The following CD2 variants were observed in gnomAD, a reference collection of about 807,000 sequenced individuals.
CD2 encodes T-cell surface antigen CD2.
A neutral mutation model predicts 23.2 loss-of-function variants in CD2; 18 were observed. That is an observed-to-expected ratio of 0.77 (90% CI 0.54 to 1.15). The LOEUF is 1.15. Ranked by LOEUF, CD2 falls within the 50% of genes most tolerant of loss-of-function variation. The probability of loss-of-function intolerance (pLI) is 0.00; values close to 1 mark genes in which losing one functional copy is unlikely to be tolerated. For missense variants in CD2, 424 were observed against 423.1 expected, an observed-to-expected ratio of 1.00 and a Z score of -0.02; for synonymous variants, 162 against 151.9, an observed-to-expected ratio of 1.07 and a Z score of -0.49.
chr1:116,762,495 G>A (rs1392459025), intron 3 of CD2, among the ~76,000 whole-genome samples: 1 of 152,164 alleles, frequency 6.6e-6, no homozygotes, highest in Non-Finnish European at 1.5e-5. Flanking sequence ...AGATTAGGGT[G>A]GAGGAGCTGC....
chr1:116,762,316 A>G (rs1424563495), intron 3 of CD2, among the ~76,000 whole-genome samples: 3 of 151,816 alleles, frequency 2.0e-5, no homozygotes, highest in Non-Finnish European at 2.9e-5. Flanking sequence ...ACTGGAGCCC[A>G]CAAGTATAAA....
chr1:116,757,517 A>G (rs1420693476), intron 2 of CD2, among the ~76,000 whole-genome samples: 1 of 152,182 alleles, frequency 6.6e-6, no homozygotes, highest in African/African-American at 2.4e-5. Flanking sequence ...GTACTACTCC[A>G]CAAGGGTGCC....
intron 2 of CD2, among the ~76,000 whole-genome samples, chr1:116,757,823 G>A (rs895924196): frequency 1.3e-5 from 2 of 151,902 alleles, no homozygotes; most frequent in African/African-American, 4.8e-5. Flanking sequence ...AGCCTGGAGT[G>A]CAGTGGTGAA....
chr1:116,760,424 C>T lies in CD2; in HGVS notation c.405C>T (p.Ile135=), dbSNP rs542035903. The T allele has an allele frequency of 2.8e-5, 45 of 1,614,082 alleles. No homozygotes were observed. The highest frequency in any genetic ancestry group is 1.3e-4 in the East Asian group (6 of 44,886). ...KIQERVSKPK[I]SWTCINTTLT... is the part of the protein sequence containing the mutation. ...TAGAGAGGGTCTCAAAACCAAAGAT[C>T]TCCTGGACTTGTATCAACACAACCC... Residue 135 remains isoleucine (I), a synonymous_variant, in exon 3 of 5, where the codon ATC becomes ATT. Transcript: ENST00000369478.
chr1:116,755,061 TA>T, intron 2 of CD2, 110 bp downstream of exon 2: 1 of 736,506 alleles, frequency 1.4e-6, no homozygotes, highest in Non-Finnish European at 2.2e-6. Flanking sequence ...CCAGGGGGGC[TA>T]TACAGGAAAC....
intron 4 of CD2, among the ~76,000 whole-genome samples, chr1:116,765,465 C>T (rs1326505309): frequency 1.3e-5 from 2 of 152,186 alleles, no homozygotes; most frequent in African/African-American, 4.8e-5. Context: ...GCCCCGTGCC[C>T]TCTGGATTTG....
At chr1:116,759,622 C>A (rs893891474) in intron 2 of CD2, among the ~76,000 whole-genome samples, 1 of 152,166 alleles carries the variant, frequency 6.6e-6, no homozygotes, top group African/African-American at 2.4e-5. Flanking sequence ...CAGTGCCTAA[C>A]GATCTGCCCA....
At chr1:116,758,321 A>C (rs1298150491) in intron 2 of CD2, among the ~76,000 whole-genome samples, 1 of 152,090 alleles carries the variant, frequency 6.6e-6, no homozygotes, top group African/African-American at 2.4e-5. Flanking sequence ...CAGCATGAGC[A>C]CAGGCCAGCC....
intron 2 of CD2, 30 bp from the exon 3 acceptor site, chr1:116,760,372 A>C: frequency 6.3e-7 from 1 of 1,583,938 alleles, no homozygotes; most frequent in Middle Eastern, 1.7e-4. Flanking sequence ...AAATTGCCTA[A>C]ATTGAACTGA....
chr1:116,756,087 A>T (rs1043610240), intron 2 of CD2, among the ~76,000 whole-genome samples: 5 of 152,100 alleles, frequency 3.3e-5, no homozygotes, highest in African/African-American at 1.2e-4. Context: ...ATAGTGTCAG[A>T]TTGCCCACTC....
At chr1:116,761,929 C>G (rs1032659686) in intron 3 of CD2, among the ~76,000 whole-genome samples, 8 of 152,194 alleles carry the variant, frequency 5.3e-5, no homozygotes, top group African/African-American at 1.9e-4. Context: ...CTCCCAGGCT[C>G]AAGCAATCCT....
At chr1:116,755,718 C>T (rs1007765633) in intron 2 of CD2, among the ~76,000 whole-genome samples, 2 of 152,100 alleles carry the variant, frequency 1.3e-5, no homozygotes, top group Admixed American at 6.5e-5. Flanking sequence ...AAGTCAATCG[C>T]CACTGGCCTA....
intron 2 of CD2, among the ~76,000 whole-genome samples, chr1:116,758,737 G>A (rs532156622): frequency 3.7e-4 from 56 of 152,240 alleles, no homozygotes; most frequent in African/African-American, 1.3e-3. Flanking sequence ...GCATTGCGGC[G>A]GAAATAATGG....
chr1:116,761,743 C>A (rs1256817192), intron 3 of CD2, among the ~76,000 whole-genome samples: 1 of 152,154 alleles, frequency 6.6e-6, no homozygotes, highest in Non-Finnish European at 1.5e-5. Context: ...CCAACTTGAC[C>A]AGCATCACTT....
At chr1:116,765,757 G>A (rs563571193) in intron 4 of CD2, among the ~76,000 whole-genome samples, 1 of 152,314 alleles carries the variant, frequency 6.6e-6, no homozygotes, top group Non-Finnish European at 1.5e-5. Flanking sequence ...TTGACTAATG[G>A]TCAAAGACCA....
Position 116,760,422 on chromosome 1 carries a change from A to G in CD2, c.403A>G (p.Ile135Val). The change falls in exon 3 of 5, where the codon ATC (isoleucine) becomes GTC (valine). Residue 135 changes from isoleucine (I) to valine (V), a missense_variant. Physicochemically the swap from Ile to Val is conservative, Grantham distance 29. Transcript: ENST00000369478. The stretch of plus-strand genomic sequence containing the variant: ...TTTAGAGAGGGTCTCAAAACCAAAG[A>G]TCTCCTGGACTTGTATCAACACAAC... ...KIQERVSKPK[I>V]SWTCINTTLT... 6.2e-6 allele frequency: 10 copies of G among 1,614,066 alleles called. No homozygotes were observed. Among genetic ancestry groups the G allele is most frequent in the Non-Finnish European group, 8.5e-6 (10 of 1,179,978 alleles).
intron 2 of CD2, among the ~76,000 whole-genome samples, chr1:116,757,740 C>CATAT (rs572120357): frequency 0.015 from 2,197 of 149,122 alleles, 34 homozygotes; most frequent in South Asian, 0.051. Flanking sequence ...TAAAATATTA[C>CATAT]ATATATATAT....
chr1:116,760,649 A>C lies in CD2; in HGVS notation c.613+17A>C. ...GCTGTCCAGGTGCGTGGCGGGCATCACTTCACAAACACAGCCTGCCAGGCC... is the reference window on the plus strand; with the variant it reads ...GCTGTCCAGGTGCGTGGCGGGCATCCCTTCACAAACACAGCCTGCCAGGCC... On this transcript the variant is annotated intron_variant, in intron 3 of 4. Coordinates refer to ENST00000369478, the MANE Select transcript of CD2 (RefSeq NM_001767.5). 1 of 1,596,352 alleles carries C rather than the reference A, an allele frequency of 6.3e-7. No homozygotes were observed. Among genetic ancestry groups the C allele is most frequent in the Non-Finnish European group, 8.6e-7 (1 of 1,164,256 alleles).
chr1:116,754,537 C>G lies in CD2; in HGVS notation c.45C>G (p.Phe15Leu). 1 of 1,613,996 alleles carries G rather than the reference C, an allele frequency of 6.2e-7. No individual in the cohort carries two copies. Among genetic ancestry groups the G allele is most frequent in the Non-Finnish European group, 8.5e-7 (1 of 1,179,982 alleles). Residue 15 changes from phenylalanine (F) to leucine (L), a missense_variant, in exon 1 of 5, where the codon TTC becomes TTG. Physicochemically the swap from Phe to Leu is conservative, Grantham distance 22. Coordinates refer to ENST00000369478, the MANE Select transcript of CD2 (RefSeq NM_001767.5). ...CKFVASFLLIFNVSSKGAVSK... is the reference protein window; with the variant it reads ...CKFVASFLLILNVSSKGAVSK... Reference sequence around the variant, plus strand: ...TTGTAGCCAGCTTCCTTCTGATTTTCAATGTTTCTTCCAAAGGTAAGCATA... The same window carrying G: ...TTGTAGCCAGCTTCCTTCTGATTTTGAATGTTTCTTCCAAAGGTAAGCATA...
Sources: allele counts gnomAD v4.1 joint callset (sites outside exome capture counted in the v4.1 genomes callset), GRCh38; gene constraint gnomAD v4.1.1; transcripts MANE v1.5; gene names NCBI Gene and HGNC (gene_info 2026-07-23, HGNC 2026-07-21).